ANKDD1A: variants seen among roughly 807,000 people sequenced by gnomAD.
ANKDD1A encodes ankyrin repeat and death domain containing 1A.
In ANKDD1A, 59 loss-of-function variants were observed where a neutral mutation model predicts 63.5. The ratio of observed to expected loss-of-function variants is 0.93; its 90% CI spans 0.75 to 1.15. The LOEUF (loss-of-function observed/expected upper bound fraction) is 1.15. Ranked by LOEUF, ANKDD1A falls within the 50% of genes most tolerant of loss-of-function variation. ANKDD1A has a pLI of 0.00. For synonymous variants in ANKDD1A, 266 were observed against 263.9 expected (o/e 1.01, Z -0.08); for missense variants, 632 against 656.4 (o/e 0.96, Z 0.41).
chr15:64,911,996 G>GCCCCCCCCC, intron 1 of ANKDD1A, 32 bp downstream of exon 1: 3 of 320,722 alleles, frequency 9.4e-6, no homozygotes, highest in Non-Finnish European at 1.6e-5. Flanking sequence ...AGGGGGGCGG[G>GCCCCCCCCC]CCGAGGCCGA....
intron 14 of ANKDD1A, chr15:64,950,270 AT>A (rs1054729785): frequency 1.0e-6 from 1 of 984,952 alleles, no homozygotes; most frequent in Non-Finnish European, 1.2e-6. Flanking sequence ...ATACCTTGAC[AT>A]TTTTTTTCCA....
intron 14 of ANKDD1A, among the ~76,000 whole-genome samples, chr15:64,954,010 CCTTCTTTCCTCTTCTTTTCTTT>C (rs2085369758): frequency 1.1e-5 from 1 of 92,944 alleles, no homozygotes; most frequent in Non-Finnish European, 2.1e-5. Flanking sequence ...CTTTCTTCTT[CCTTCTTTCCTCTTCTTTTCTTT>C]CTTCTTCCTC....
chr15:64,950,411 T>TA (rs1485881394), intron 14 of ANKDD1A: 1 of 985,292 alleles, frequency 1.0e-6, no homozygotes, highest in East Asian at 1.1e-4. Flanking sequence ...CATCACAACT[T>TA]ATTTGAGTAT....
At chr15:64,919,915 C>T (rs1283124223) in intron 3 of ANKDD1A, 1 of 152,494 alleles carries the variant, frequency 6.6e-6, no homozygotes, top group Non-Finnish European at 1.5e-5. Context: ...CCTCCAAATT[C>T]CCGCCTGTTT....
chr15:64,922,727 C>T (rs1451139239), intron 4 of ANKDD1A, among the ~76,000 whole-genome samples: 1 of 152,152 alleles, frequency 6.6e-6, no homozygotes, highest in Non-Finnish European at 1.5e-5. Context: ...CTGCAACCTC[C>T]GCCTACTGGG....
intron 14 of ANKDD1A, among the ~76,000 whole-genome samples, chr15:64,953,149 TCTCC>T (rs1266410711): frequency 1.6e-4 from 4 of 25,250 alleles, no homozygotes; most frequent in African/African-American, 2.4e-4. Context: ...TCTTCCTTTT[TCTCC>T]TTTCTTCTTT....
intron 1 of ANKDD1A, 44 bp downstream of exon 1, chr15:64,912,008 A>G (rs985189207): frequency 4.5e-5 from 56 of 1,238,474 alleles, no homozygotes; most frequent in East Asian, 1.3e-4. Flanking sequence ...CGAGGCCGAG[A>G]GGACCCCCGC....
At chr15:64,953,663 T>TCCTTTTCC (rs1313520379) in intron 14 of ANKDD1A, among the ~76,000 whole-genome samples, 114,730 of 135,232 alleles carry the variant, frequency 0.85, 50,914 homozygotes, top group East Asian at 0.98. Context: ...CTTCTTTTCT[T>TCCTTTTCC]TCTTCTCCTT....
intron 14 of ANKDD1A, among the ~76,000 whole-genome samples, chr15:64,951,725 T>TC (rs1566915976): frequency 0.01 from 740 of 73,422 alleles, 8 homozygotes; most frequent in Non-Finnish European, 0.022. Context: ...TTCTTCCCTT[T>TC]TCTTCTTTCC....
intron 9 of ANKDD1A, among the ~76,000 whole-genome samples, chr15:64,936,308 T>A (rs1013829550): frequency 9.2e-5 from 14 of 152,160 alleles, no homozygotes; most frequent in African/African-American, 3.1e-4. Context: ...TCAGGCTAAA[T>A]GCTTACTTGT....
Position 64,957,805 on chromosome 15 carries a change from A to C in ANKDD1A, c.*617A>C, listed in dbSNP as rs887457816. 11 of 152,348 alleles carry C rather than the reference A, an allele frequency of 7.2e-5. No individual in the cohort carries two copies. The highest frequency in any genetic ancestry group is 2.6e-4 in the African/African-American group (11 of 41,572). The allele number at this position is 152,348 out of a possible 1,614,324, so 9.4% of individuals were successfully genotyped here. A position where few individuals can be genotyped will look rare whatever the true frequency, so the allele number is the denominator to read the frequency against. ...CTCAGTGAAGCATTTTATTAAAAGA[A>C]TAATTATAATTAAAAAAACACGATA... On this transcript the variant is annotated 3_prime_UTR_variant, in exon 15 of 15. Coordinates refer to ENST00000319580, the MANE Select transcript of ANKDD1A (RefSeq NM_182703.6).
intron 4 of ANKDD1A, among the ~76,000 whole-genome samples, chr15:64,922,903 T>G (rs2085017758): frequency 6.6e-6 from 1 of 152,304 alleles, no homozygotes; most frequent in African/African-American, 2.4e-5. Context: ...ACATGAAAAT[T>G]TTTGCAGTTA....
chr15:64,949,879 C>T lies in ANKDD1A; in HGVS notation c.1390C>T (p.Leu464Phe). 1 of 1,605,330 alleles carries T rather than the reference C, an allele frequency of 6.2e-7. No individual in the cohort carries two copies. Among genetic ancestry groups the T allele is most frequent in the Non-Finnish European group, 8.5e-7 (1 of 1,179,952 alleles). The change falls in exon 14 of 15, where the codon CTC becomes TTC. Residue 464 changes from leucine to phenylalanine, a missense_variant. Coordinates refer to ENST00000319580, the MANE Select transcript of ANKDD1A (RefSeq NM_182703.6). ...SYQEHGHRMLLIWLHGVATAG... is the reference protein window; with the variant it reads ...SYQEHGHRMLFIWLHGVATAG... ...TCAGGAGCACGGCCACCGAATGCTG[C>T]TCATTTGGCTGCATGGCGTGGCCAC...
At chr15:64,942,421 G>A in intron 9 of ANKDD1A, 46 bp from the exon 10 acceptor site, 1 of 1,487,610 alleles carries the variant, frequency 6.7e-7, no homozygotes, top group Non-Finnish European at 9.2e-7. Flanking sequence ...CAGCTGGGCA[G>A]TCCTGGGAGG....
At chr15:64,952,497 C>T (rs1208121503) in intron 14 of ANKDD1A, among the ~76,000 whole-genome samples, 1 of 101,556 alleles carries the variant, frequency 9.8e-6, no homozygotes, top group Non-Finnish European at 2.0e-5. Flanking sequence ...TCGTCACCGT[C>T]TTCTCCTTCT....
At chr15:64,934,104 G>T (rs1368854764) in intron 8 of ANKDD1A, 32 bp from the exon 9 acceptor site, 6 of 1,578,328 alleles carry the variant, frequency 3.8e-6, no homozygotes, top group South Asian at 3.4e-5. Flanking sequence ...AGGGGTCCTT[G>T]TGATAACGCA....
intron 9 of ANKDD1A, among the ~76,000 whole-genome samples, chr15:64,940,777 T>C (rs1295455369): frequency 6.6e-6 from 1 of 150,790 alleles, no homozygotes; most frequent in African/African-American, 2.5e-5. Flanking sequence ...CTCACTCTGT[T>C]GCCCAGGTTG....
Position 64,929,053 on chromosome 15 carries a change from G to A in ANKDD1A, c.571-1769G>A, listed in dbSNP as rs545640687. Among the ~76,000 whole-genome samples, 9 of 152,348 alleles carry A rather than the reference G, an allele frequency of 5.9e-5. No individual in the cohort carries two copies. The East Asian group carries it at 1.5e-3, about 26-fold the overall frequency. Reference sequence around the variant, plus strand: ...TCACGCTGTGATTGCATTTCCCACCGCTTGTCCTGGCTCGCAGCAGCCAGC... The same window carrying A: ...TCACGCTGTGATTGCATTTCCCACCACTTGTCCTGGCTCGCAGCAGCCAGC... On this transcript the variant is annotated intron_variant, in intron 6 of 14. Coordinates refer to ENST00000319580, the MANE Select transcript of ANKDD1A (RefSeq NM_182703.6).
intron 14 of ANKDD1A, among the ~76,000 whole-genome samples, chr15:64,954,776 CTCCTT>C (rs1392755135): frequency 0.013 from 1,715 of 127,326 alleles, 38 homozygotes; most frequent in African/African-American, 0.059. Context: ...CTTTCTTCTT[CTCCTT>C]CTTCCTTCTC....
Sources: gnomAD v4.1 joint callset for allele counts (sites outside exome capture counted in the v4.1 genomes callset) on GRCh38, gnomAD v4.1.1 for gene constraint, MANE v1.5 for transcripts, NCBI Gene and HGNC (gene_info 2026-07-23, HGNC 2026-07-21) for gene names.